The following ADAM22 variants were observed in gnomAD, a reference collection of about 807,000 sequenced individuals.
The protein encoded by ADAM22 is ADAM metallopeptidase domain 22, also known as disintegrin and metalloproteinase domain-containing protein 22.
Under a neutral mutation model 144.6 loss-of-function variants are expected in ADAM22, and 65 were observed. That is an observed-to-expected ratio of 0.45 (90% confidence interval 0.37 to 0.55). ADAM22 has a LOEUF of 0.55. ADAM22 is among the 20% of genes least tolerant of loss of function. The pLI, the probability that ADAM22 is intolerant of heterozygous loss-of-function variation, is 0.00. For synonymous variants in ADAM22, 391 were observed against 412.6 expected (o/e 0.95, Z 0.63); for missense variants, 974 against 1,184.9 (o/e 0.82, Z 2.61).
intron 5 of ADAM22, among the ~76,000 whole-genome samples, chr7:88,108,624 G>C (rs188719587): frequency 1.3e-5 from 2 of 152,008 alleles, no homozygotes; most frequent in South Asian, 4.2e-4. Flanking sequence ...AGCTACTCGG[G>C]AGGCTGAGGC....
chr7:88,074,588 G>A (rs547231447), intron 3 of ADAM22, among the ~76,000 whole-genome samples: 12 of 152,310 alleles, frequency 7.9e-5, no homozygotes, highest in African/African-American at 2.9e-4. Flanking sequence ...TTGCAGCTGA[G>A]AGCGTGCTAG....
At chr7:88,007,431 G>T (rs1000862268) in intron 3 of ADAM22, among the ~76,000 whole-genome samples, 1 of 152,038 alleles carries the variant, frequency 6.6e-6, no homozygotes, top group African/African-American at 2.4e-5. Flanking sequence ...AAAAGAGCCC[G>T]CATTGCCAAG....
intron 10 of ADAM22, 63 bp downstream of exon 10, chr7:88,130,522 T>G: frequency 6.8e-7 from 1 of 1,474,562 alleles, no homozygotes; most frequent in South Asian, 1.2e-5. Flanking sequence ...GCTAATAGAA[T>G]GGATAATATG....
chr7:87,957,905 C>T (rs1337939033), intron 2 of ADAM22, among the ~76,000 whole-genome samples: 3 of 152,106 alleles, frequency 2.0e-5, no homozygotes, highest in African/African-American at 7.2e-5. Context: ...TTCATACATA[C>T]ATATATATCC....
chr7:87,966,196 C>G (rs748810718), intron 2 of ADAM22, among the ~76,000 whole-genome samples: 1 of 152,130 alleles, frequency 6.6e-6, no homozygotes, highest in African/African-American at 2.4e-5. Flanking sequence ...CTTTTCTGTA[C>G]CAGAAAAGAG....
At chr7:88,047,847 CAAAT>C (rs1423402215) in intron 3 of ADAM22, among the ~76,000 whole-genome samples, 2 of 151,032 alleles carry the variant, frequency 1.3e-5, no homozygotes, top group Non-Finnish European at 3.0e-5. Flanking sequence ...GTAAATGGAT[CAAAT>C]AAATAAATGC....
At chr7:88,137,233 C>T (rs1480773346) in intron 14 of ADAM22, among the ~76,000 whole-genome samples, 1 of 152,022 alleles carries the variant, frequency 6.6e-6, no homozygotes, top group Non-Finnish European at 1.5e-5. Flanking sequence ...GAGATTTATC[C>T]ATCCTGTTAA....
intron 31 of ADAM22, among the ~76,000 whole-genome samples, chr7:88,193,586 A>G (rs1850071764): frequency 6.6e-6 from 1 of 152,184 alleles, no homozygotes; most frequent in African/African-American, 2.4e-5. Flanking sequence ...CCTGAAACAT[A>G]TCAGTATGTG....
intron 3 of ADAM22, among the ~76,000 whole-genome samples, chr7:88,022,642 A>G (rs1199207313): frequency 6.6e-6 from 1 of 152,182 alleles, no homozygotes; most frequent in Admixed American, 6.5e-5. Flanking sequence ...TTTTTTTCAT[A>G]TCAGTAAGTA....
At chr7:87,955,377 G>T (rs994091082) in intron 2 of ADAM22, among the ~76,000 whole-genome samples, 2 of 152,230 alleles carry the variant, frequency 1.3e-5, no homozygotes, top group African/African-American at 2.4e-5. Context: ...CTGCAGGTCT[G>T]TTGGAGTTTG....
chr7:88,190,768 T>G (rs769277331), intron 30 of ADAM22, among the ~76,000 whole-genome samples: 3 of 152,098 alleles, frequency 2.0e-5, no homozygotes, highest in Non-Finnish European at 4.4e-5. Context: ...CCTAAAGTGT[T>G]TTACCGTACC....
chr7:87,957,986 T>G (rs898485422), intron 2 of ADAM22, among the ~76,000 whole-genome samples: 14 of 152,196 alleles, frequency 9.2e-5, no homozygotes, highest in African/African-American at 3.4e-4. Context: ...CTTTTACCCC[T>G]CCTCAAAATT....
intron 2 of ADAM22, among the ~76,000 whole-genome samples, chr7:87,949,028 C>T (rs956145972): frequency 6.6e-6 from 1 of 152,162 alleles, no homozygotes; most frequent in Admixed American, 6.6e-5. Flanking sequence ...CCAAGAGTTA[C>T]AATATTTATT....
At chr7:88,124,229 CT>C (rs1355860354) in intron 7 of ADAM22, among the ~76,000 whole-genome samples, 1 of 151,438 alleles carries the variant, frequency 6.6e-6, no homozygotes, top group Non-Finnish European at 1.5e-5. Flanking sequence ...TTAACTATAA[CT>C]TTGAATTTGT....
chr7:88,179,913 T>G (rs915804548), intron 27 of ADAM22, among the ~76,000 whole-genome samples: 1 of 152,122 alleles, frequency 6.6e-6, no homozygotes, highest in Non-Finnish European at 1.5e-5. Context: ...AAAGGTTTGG[T>G]AGCCCTGCTC....
intron 3 of ADAM22, among the ~76,000 whole-genome samples, chr7:88,072,843 A>G (rs762527699): frequency 2.6e-5 from 4 of 152,150 alleles, no homozygotes; most frequent in Non-Finnish European, 5.9e-5. Context: ...GTCCTTTGCA[A>G]ACACCTGGCT....
chr7:87,959,397 A>T (rs891033579), intron 2 of ADAM22, among the ~76,000 whole-genome samples: 1 of 152,282 alleles, frequency 6.6e-6, no homozygotes, highest in Admixed American at 6.5e-5. Context: ...TCCTATAATT[A>T]TCATTTCTTG....
chr7:88,131,345 T>C lies in ADAM22; in HGVS notation c.902T>C (p.Ile301Thr). ...TGGGCGACTGACAACAAGTTTGCCATATCTGAAAATCCATTGATCACCCTA... is the reference window on the plus strand; with the variant it reads ...TGGGCGACTGACAACAAGTTTGCCACATCTGAAAATCCATTGATCACCCTA... ...ETWATDNKFA[I>T]SENPLITLRE... Residue 301 changes from isoleucine to threonine, a missense_variant, in exon 11 of 32, where the codon ATA becomes ACA. This residue lies in a region of ADAM22 where 734 missense variants were observed against 950.6 expected (regional missense o/e 0.77). Transcript: ENST00000413139. 1 of 1,613,890 alleles carries C rather than the reference T, an allele frequency of 6.2e-7. No homozygotes were observed. The highest frequency in any genetic ancestry group is 8.5e-7 in the Non-Finnish European group (1 of 1,179,858).
intron 2 of ADAM22, among the ~76,000 whole-genome samples, chr7:87,971,597 T>G (rs1209478144): frequency 1.3e-5 from 2 of 152,190 alleles, no homozygotes; most frequent in African/African-American, 2.4e-5. Flanking sequence ...CAAAATTACG[T>G]TTTTCCAGTA....
Sources: gnomAD v4.1 joint callset for allele counts (sites outside exome capture counted in the v4.1 genomes callset) on GRCh38, gnomAD v4.1.1 for gene constraint, gnomAD v4.1.1 regional missense constraint, MANE v1.5 for transcripts, NCBI Gene and HGNC (gene_info 2026-07-23, HGNC 2026-07-21) for gene names.